Variants in ADGRB3 observed in about 807,000 individuals in gnomAD.
ADGRB3 encodes adhesion G protein-coupled receptor B3.
A neutral mutation model predicts 193.4 loss-of-function variants in ADGRB3; 37 were observed. The observed-to-expected ratio is 0.19, with a 90% CI of 0.15 to 0.25. The LOEUF (loss-of-function observed/expected upper bound fraction) is 0.25, where lower values mean the gene tolerates loss of function less well. Among genes scored for constraint, ADGRB3 ranks in the 10% least tolerant of loss-of-function variants. The pLI is 1.00. For missense variants in ADGRB3, 1,637 were observed against 1,852.9 expected (o/e 0.88, Z 2.14); for synonymous variants, 690 against 644.2 (o/e 1.07, Z -1.08).
intron 3 of ADGRB3, among the ~76,000 whole-genome samples, chr6:68,750,431 T>G (rs1402367725): frequency 6.6e-6 from 1 of 152,172 alleles, no homozygotes; most frequent in East Asian, 1.9e-4. Flanking sequence ...GGGTTTAGAC[T>G]CCATGAAAAA....
chr6:69,049,224 A>T (rs567691438), intron 14 of ADGRB3, 47 bp from the exon 15 acceptor site: 2 of 1,343,778 alleles, frequency 1.5e-6, no homozygotes, highest in South Asian at 1.2e-5. Flanking sequence ...TATAAGACAT[A>T]GTATTTTCTT....
At chr6:68,799,833 T>C (rs181905270) in intron 3 of ADGRB3, among the ~76,000 whole-genome samples, 18 of 152,122 alleles carry the variant, frequency 1.2e-4, no homozygotes, top group East Asian at 5.8e-4. Flanking sequence ...CACCATGAAA[T>C]AGGAATAATC....
chr6:68,844,396 AC>A (rs2127388529), intron 3 of ADGRB3, among the ~76,000 whole-genome samples: 2 of 152,264 alleles, frequency 1.3e-5, no homozygotes, highest in South Asian at 4.1e-4. Context: ...AAGACAAAAT[AC>A]AAAGACATCC....
intron 15 of ADGRB3, among the ~76,000 whole-genome samples, chr6:69,058,175 T>TTTCTTAAAATCTGTCTATTTC (rs2150305891): frequency 6.6e-6 from 1 of 152,080 alleles, no homozygotes. Flanking sequence ...TGTTATATTT[T>TTTCTTAAAATCTGTCTATTTC]TTCTTAAAAT....
intron 16 of ADGRB3, among the ~76,000 whole-genome samples, chr6:69,075,138 T>C (rs1038953918): frequency 2.0e-5 from 3 of 152,214 alleles, no homozygotes; most frequent in African/African-American, 4.8e-5. Flanking sequence ...ACTGCTTTGC[T>C]GTGCACAAGT....
intron 3 of ADGRB3, among the ~76,000 whole-genome samples, chr6:68,770,455 T>G (rs1277417761): frequency 6.6e-6 from 1 of 152,076 alleles, no homozygotes; most frequent in East Asian, 1.9e-4. Flanking sequence ...CTGTTTTTTG[T>G]TTGATCCACA....
At chr6:69,195,245 A>G (rs952465532) in intron 17 of ADGRB3, among the ~76,000 whole-genome samples, 1 of 152,142 alleles carries the variant, frequency 6.6e-6, no homozygotes, top group Non-Finnish European at 1.5e-5. Context: ...AAGACACTGC[A>G]TGATCTGGGC....
At chr6:68,768,054 G>A (rs540380543) in intron 3 of ADGRB3, among the ~76,000 whole-genome samples, 64 of 152,098 alleles carry the variant, frequency 4.2e-4, no homozygotes, top group African/African-American at 1.5e-3. Context: ...ACAAACAAAT[G>A]GAAAAAACAT....
At chr6:69,354,468 G>T in intron 27 of ADGRB3, 140 bp downstream of exon 27, 1 of 681,648 alleles carries the variant, frequency 1.5e-6, no homozygotes, top group Non-Finnish European at 2.5e-6. Context: ...GTGAACTCTG[G>T]TACCACAGAA....
intron 20 of ADGRB3, among the ~76,000 whole-genome samples, chr6:69,318,805 G>A (rs1768373981): frequency 6.6e-6 from 1 of 150,392 alleles, no homozygotes; most frequent in South Asian, 2.1e-4. Flanking sequence ...CTAGAAAAAC[G>A]TCCATTTTAT....
At chr6:69,332,609 A>T (rs950237227) in intron 23 of ADGRB3, 31 of 985,330 alleles carry the variant, frequency 3.1e-5, no homozygotes, top group Middle Eastern at 5.2e-4. Context: ...CTCAGGGTTG[A>T]CTCAGACAGA....
At chr6:68,719,048 A>G (rs781030462) in intron 3 of ADGRB3, among the ~76,000 whole-genome samples, 19 of 151,836 alleles carry the variant, frequency 1.3e-4, no homozygotes, top group Non-Finnish European at 2.2e-4. Flanking sequence ...ACTAGCACTT[A>G]ATAGAATGTT....
chr6:68,853,909 A>C (rs1392905832), intron 3 of ADGRB3, among the ~76,000 whole-genome samples: 2 of 152,224 alleles, frequency 1.3e-5, no homozygotes, highest in African/African-American at 2.4e-5. Context: ...CAAAGGAAGC[A>C]CTAAAATCCT....
intron 20 of ADGRB3, among the ~76,000 whole-genome samples, chr6:69,302,566 T>C (rs1375797205): frequency 6.6e-6 from 1 of 151,924 alleles, no homozygotes; most frequent in African/African-American, 2.4e-5. Flanking sequence ...ACATAACGTC[T>C]GTAATAAGCC....
rs60723627 is a variant in ADGRB3, at chr6:68,817,307, GTATATATATATA to G, written c.758-113209_758-113198del. On this transcript the variant is annotated intron_variant, in intron 3 of 31. Transcript: ENST00000370598. ...GTATTTATTATTCCCTTTTGTCCATGTATATATATATATATATATATATATATATATATATAT... is the reference window on the plus strand; with the variant it reads ...GTATTTATTATTCCCTTTTGTCCATGTATATATATATATATATATATATAT... Among the ~76,000 whole-genome samples the G allele has an allele frequency of 8.7e-3, 384 of 44,044 alleles. 1 individual carries two copies. The highest frequency in any genetic ancestry group is 0.024 in the South Asian group (22 of 912). The allele number at this position is 44,044 out of a possible 152,430, so 28.9% of individuals were successfully genotyped here.
At chr6:68,775,383 G>A (rs1429228411) in intron 3 of ADGRB3, among the ~76,000 whole-genome samples, 1 of 152,066 alleles carries the variant, frequency 6.6e-6, no homozygotes, top group African/African-American at 2.4e-5. Flanking sequence ...TGGGTCACTA[G>A]ACGTGGTTAT....
chr6:68,996,997 T>A (rs1379461135), intron 11 of ADGRB3, among the ~76,000 whole-genome samples: 1 of 152,140 alleles, frequency 6.6e-6, no homozygotes, highest in Admixed American at 6.5e-5. Context: ...AAAGAGAAAT[T>A]AAGTAAAATT....
chr6:69,314,513 G>T (rs1026730848), intron 20 of ADGRB3, among the ~76,000 whole-genome samples: 1 of 151,602 alleles, frequency 6.6e-6, no homozygotes, highest in Non-Finnish European at 1.5e-5. Context: ...ACAAATTGAA[G>T]GTTGTGTAAA....
intron 17 of ADGRB3, among the ~76,000 whole-genome samples, chr6:69,202,459 G>A (rs572017372): frequency 2.6e-5 from 4 of 151,780 alleles, no homozygotes; most frequent in East Asian, 1.9e-4. Flanking sequence ...CCACTTGAAA[G>A]AGAGAGAGAG....
Sources: allele counts gnomAD v4.1 joint callset (sites outside exome capture counted in the v4.1 genomes callset), GRCh38; gene constraint gnomAD v4.1.1; transcripts MANE v1.5; gene names NCBI Gene and HGNC (gene_info 2026-07-23, HGNC 2026-07-21).